VAV1: variants seen among roughly 807,000 people sequenced by gnomAD.
The protein encoded by VAV1 is vav guanine nucleotide exchange factor 1.
Under a neutral mutation model 128.1 loss-of-function variants are expected in VAV1, and 33 were observed. The observed-to-expected ratio is 0.26, with a 90% CI of 0.20 to 0.34. The LOEUF (loss-of-function observed/expected upper bound fraction) is 0.34, where lower values mean the gene tolerates loss of function less well. Ranked by LOEUF, VAV1 falls within the 10% of genes least tolerant of loss-of-function variation. The probability of loss-of-function intolerance (pLI) is 1.00; values close to 1 mark genes in which losing one functional copy is unlikely to be tolerated. For synonymous variants in VAV1, 394 were observed against 409.8 expected (o/e 0.96, Z 0.47); for missense variants, 715 against 1,093.7 (o/e 0.65, Z 4.88).
chr19:6,854,303 G>T (rs1271079512), intron 26 of VAV1, among the ~76,000 whole-genome samples: 4 of 152,218 alleles, frequency 2.6e-5, no homozygotes, highest in Non-Finnish European at 5.9e-5. Context: ...TGCAGACATT[G>T]TGCTGGGTGT....
At chr19:6,843,542 G>T (rs1316551535) in intron 22 of VAV1, among the ~76,000 whole-genome samples, 1 of 152,132 alleles carries the variant, frequency 6.6e-6, no homozygotes, top group Non-Finnish European at 1.5e-5. Context: ...GAGGTTTACA[G>T]TGTGGCTTTT....
At chr19:6,780,064 T>TTG (rs1214496107) in intron 1 of VAV1, among the ~76,000 whole-genome samples, 1 of 146,834 alleles carries the variant, frequency 6.8e-6, no homozygotes. Context: ...TGAGCCGAGA[T>TTG]CAGGCCACTG....
intron 24 of VAV1, among the ~76,000 whole-genome samples, chr19:6,851,029 TG>T (rs1972662941): frequency 6.6e-6 from 1 of 152,144 alleles, no homozygotes; most frequent in African/African-American, 2.4e-5. Flanking sequence ...TATATATGTA[TG>T]TGTGTATATA....
chr19:6,815,048 C>G (rs765156265), intron 1 of VAV1, among the ~76,000 whole-genome samples: 50 of 152,142 alleles, frequency 3.3e-4, no homozygotes, highest in Non-Finnish European at 5.6e-4. Flanking sequence ...AAAAAGAGAA[C>G]AGGTCTTGGG....
intron 1 of VAV1, among the ~76,000 whole-genome samples, chr19:6,784,865 C>T (rs369822794): frequency 2.6e-5 from 4 of 152,308 alleles, no homozygotes; most frequent in African/African-American, 9.6e-5. Flanking sequence ...AGGACTTTCA[C>T]AGAGATGCTA....
intron 1 of VAV1, among the ~76,000 whole-genome samples, chr19:6,804,852 T>C (rs1833707175): frequency 6.6e-6 from 1 of 151,662 alleles, no homozygotes; most frequent in African/African-American, 2.4e-5. Context: ...GCCTCCCAAG[T>C]AGCTGGGACT....
intron 25 of VAV1, among the ~76,000 whole-genome samples, chr19:6,853,617 G>A (rs181092991): frequency 2.1e-4 from 32 of 151,596 alleles, no homozygotes; most frequent in African/African-American, 6.5e-4. Flanking sequence ...TGTAATCCCC[G>A]TGATTCAGGA....
intron 16 of VAV1, 53 bp downstream of exon 16, chr19:6,833,338 G>T (rs1770500007): frequency 1.9e-6 from 3 of 1,543,178 alleles, no homozygotes; most frequent in Admixed American, 2.0e-5. Flanking sequence ...TCAGTTCCTT[G>T]CTAGAGAAGA....
chr19:6,815,050 G>A (rs933406057), intron 1 of VAV1, among the ~76,000 whole-genome samples: 5 of 152,024 alleles, frequency 3.3e-5, no homozygotes, highest in Non-Finnish European at 5.9e-5. Flanking sequence ...AAAGAGAACA[G>A]GTCTTGGGTC....
intron 1 of VAV1, among the ~76,000 whole-genome samples, chr19:6,796,437 C>G (rs1432585197): frequency 6.6e-6 from 1 of 152,044 alleles, no homozygotes; most frequent in Non-Finnish European, 1.5e-5. Context: ...CACTCCCTTC[C>G]TCCCTCCCCC....
chr19:6,838,121 A>ATCTG (rs1308932411), intron 21 of VAV1, among the ~76,000 whole-genome samples: 34 of 151,326 alleles, frequency 2.2e-4, no homozygotes, highest in African/African-American at 8.2e-4. Flanking sequence ...CTATCTATCT[A>ATCTG]TCTATCTATC....
At chr19:6,835,672 G>A (rs929620402) in intron 19 of VAV1, 1 of 152,158 alleles carries the variant, frequency 6.6e-6, no homozygotes, top group East Asian at 1.9e-4. Context: ...CTGACGTAAT[G>A]ACGGTGAGAT....
chr19:6,845,402 A>G (rs1972496458), intron 22 of VAV1, among the ~76,000 whole-genome samples: 2 of 152,124 alleles, frequency 1.3e-5, no homozygotes, highest in African/African-American at 4.8e-5. Flanking sequence ...AAACAAACAA[A>G]CAAATAAATA....
intron 26 of VAV1, 140 bp downstream of exon 26, chr19:6,854,238 G>T (rs1045178364): frequency 8.6e-7 from 1 of 1,165,158 alleles, no homozygotes; most frequent in Non-Finnish European, 1.2e-6. Flanking sequence ...AGGGACACAG[G>T]GATGTCATTT....
chr19:6,821,463 G>A (rs1971781575), intron 2 of VAV1, among the ~76,000 whole-genome samples, 159 bp from the exon 3 acceptor site: 1 of 152,162 alleles, frequency 6.6e-6, no homozygotes, highest in Admixed American at 6.5e-5. Flanking sequence ...GCTCATTTGA[G>A]AGAACGATGG....
chr19:6,841,886 G>C (rs187589036), intron 21 of VAV1, among the ~76,000 whole-genome samples: 36 of 152,140 alleles, frequency 2.4e-4, no homozygotes, highest in Non-Finnish European at 4.6e-4. Flanking sequence ...TTGTTGATTT[G>C]TTTTTGCCTT....
chr19:6,840,238 TTG>T (rs1878663829), intron 21 of VAV1, among the ~76,000 whole-genome samples: 1 of 152,178 alleles, frequency 6.6e-6, no homozygotes. Context: ...TGTGTCTAGC[TTG>T]TTTCACTTGG....
chr19:6,780,573 C>CTT (rs34155628), intron 1 of VAV1, among the ~76,000 whole-genome samples: 4 of 128,920 alleles, frequency 3.1e-5, no homozygotes, highest in Admixed American at 7.8e-5. Context: ...TTTCTTTTTT[C>CTT]TTTTTTTTTT....
intron 1 of VAV1, among the ~76,000 whole-genome samples, chr19:6,805,583 T>TACACACACGCACAC (rs1971376285): frequency 7.2e-6 from 1 of 139,008 alleles, no homozygotes; most frequent in Admixed American, 7.5e-5. Flanking sequence ...TTTCTACAGA[T>TACACACACGCACAC]ACACACACAC....
Sources: gnomAD v4.1 joint callset for allele counts (sites outside exome capture counted in the v4.1 genomes callset) on GRCh38, gnomAD v4.1.1 for gene constraint, MANE v1.5 for transcripts, NCBI Gene and HGNC (gene_info 2026-07-23, HGNC 2026-07-21) for gene names.